The following FBXW7 variants were observed in gnomAD, a reference collection of about 807,000 sequenced individuals.
FBXW7 encodes the protein F-box and WD repeat domain containing 7.
Under a neutral mutation model 86.3 loss-of-function variants are expected in FBXW7, and 11 were observed. The observed-to-expected ratio is 0.13, with a 90% CI of 0.08 to 0.21. The LOEUF (loss-of-function observed/expected upper bound fraction) is 0.21, where lower values mean the gene tolerates loss of function less well. FBXW7 is among the 10% of genes least tolerant of loss of function. The pLI, the probability that FBXW7 is intolerant of heterozygous loss-of-function variation, is 1.00. For synonymous variants in FBXW7, 313 were observed against 297.9 expected (o/e 1.05, Z -0.52); for missense variants, 488 against 847.4 (o/e 0.58, Z 5.27).
chr4:152,439,642 G>C (rs922632089), intron 2 of FBXW7, among the ~76,000 whole-genome samples: 8 of 151,964 alleles, frequency 5.3e-5, no homozygotes, highest in African/African-American at 1.9e-4. Context: ...GAGGCGGGCC[G>C]ATCACGAGGT....
chr4:152,487,638 T>G (rs1745467943), intron 2 of FBXW7, among the ~76,000 whole-genome samples: 1 of 152,056 alleles, frequency 6.6e-6, no homozygotes, highest in Non-Finnish European at 1.5e-5. Flanking sequence ...TTAGTAATCT[T>G]CAATTATATT....
intron 4 of FBXW7, among the ~76,000 whole-genome samples, chr4:152,363,751 T>C (rs534441105): frequency 2.1e-4 from 32 of 152,288 alleles, no homozygotes; most frequent in African/African-American, 6.5e-4. Flanking sequence ...ATTAATTCAA[T>C]GAAACGGTTT....
chr4:152,491,090 G>A (rs1487291060), intron 2 of FBXW7, among the ~76,000 whole-genome samples: 1 of 152,116 alleles, frequency 6.6e-6, no homozygotes, highest in African/African-American at 2.4e-5. Flanking sequence ...AGAACCAACT[G>A]ACAGGACTTT....
intron 2 of FBXW7, among the ~76,000 whole-genome samples, chr4:152,484,930 C>T (rs1745211608): frequency 1.4e-5 from 2 of 140,990 alleles, no homozygotes; most frequent in Admixed American, 7.4e-5. Flanking sequence ...CCACTGCACT[C>T]TAGTGTGGGT....
Position 152,535,840 on chromosome 4 carries a change from C to A in FBXW7, c.-926G>T, listed in dbSNP as rs991153763. The A allele has an allele frequency of 2.3e-5, 9 of 389,886 alleles. No individual in the cohort carries two copies. Among genetic ancestry groups the A allele is most frequent in the Non-Finnish European group, 3.6e-5 (8 of 221,124 alleles). 24.2% of individuals were successfully genotyped at this position (389,886 alleles called of 1,614,324 possible). On this transcript the variant is annotated 5_prime_UTR_variant, in exon 1 of 14. Coordinates refer to ENST00000281708, the MANE Select transcript of FBXW7 (RefSeq NM_001349798.2). ...TCAGGCTCGGGCTCCGGCTCTGGCT[C>A]CGGCTCCGGCGTGTGCAGCCGCCGC...
chr4:152,410,778 C>G (rs561460869), intron 4 of FBXW7, among the ~76,000 whole-genome samples: 26 of 152,186 alleles, frequency 1.7e-4, no homozygotes, highest in Middle Eastern at 3.4e-3. Flanking sequence ...TAAAATGTTC[C>G]TTTCCAAAAC....
chr4:152,356,420 T>C (rs973736926), intron 4 of FBXW7, among the ~76,000 whole-genome samples: 11 of 152,126 alleles, frequency 7.2e-5, no homozygotes, highest in African/African-American at 2.7e-4. Flanking sequence ...TTCTTTTCTT[T>C]ACCTTGCTAA....
chr4:152,326,259 A>C (rs771865997), intron 11 of FBXW7, 28 bp from the exon 12 acceptor site: 1 of 1,574,922 alleles, frequency 6.3e-7, no homozygotes, highest in South Asian at 1.2e-5. Context: ...GAAAAACAAA[A>C]CAAAACAAAA....
intron 2 of FBXW7, among the ~76,000 whole-genome samples, chr4:152,483,048 C>T (rs905145670): frequency 1.3e-5 from 2 of 151,970 alleles, no homozygotes; most frequent in Non-Finnish European, 2.9e-5. Context: ...TACAGATGTA[C>T]CATTTCCCTA....
chr4:152,352,853 G>A (rs1285653864), intron 4 of FBXW7: 1 of 1,497,670 alleles, frequency 6.7e-7, no homozygotes, highest in East Asian at 2.3e-5. Flanking sequence ...CAGCAGCAGA[G>A]GGATCAGATT....
intron 8 of FBXW7, among the ~76,000 whole-genome samples, chr4:152,331,901 T>C (rs1729596745): frequency 6.6e-6 from 1 of 152,036 alleles, no homozygotes; most frequent in Non-Finnish European, 1.5e-5. Context: ...CCAAGCACCC[T>C]GGATCTTTAC....
intron 4 of FBXW7, among the ~76,000 whole-genome samples, chr4:152,378,702 T>C (rs1187448422): frequency 6.6e-6 from 1 of 152,178 alleles, no homozygotes; most frequent in East Asian, 1.9e-4. Flanking sequence ...GTCCATTTTC[T>C]TTCAACATAC....
At chr4:152,407,601 C>T (rs1234622918) in intron 4 of FBXW7, among the ~76,000 whole-genome samples, 3 of 152,184 alleles carry the variant, frequency 2.0e-5, no homozygotes, top group Non-Finnish European at 4.4e-5. Context: ...TGGAGAATGG[C>T]GGACCAGATA....
chr4:152,527,901 C>CACACACACACACACACAT (rs71596295), intron 2 of FBXW7, among the ~76,000 whole-genome samples: 21 of 149,294 alleles, frequency 1.4e-4, no homozygotes, highest in African/African-American at 4.9e-4. Flanking sequence ...CACACACACA[C>CACACACACACACACACAT]ATATATATAC....
chr4:152,356,139 T>C (rs527886363), intron 4 of FBXW7, among the ~76,000 whole-genome samples: 1 of 152,300 alleles, frequency 6.6e-6, no homozygotes, highest in Admixed American at 6.5e-5. Flanking sequence ...GTTCTATTAC[T>C]GCAGTTATCA....
At position 152,322,776 on chromosome 4, in the gene FBXW7, A is replaced by C; in HGVS notation, c.*105T>G. On this transcript the variant is annotated 3_prime_UTR_variant, in exon 14 of 14. Coordinates refer to ENST00000281708, the MANE Select transcript of FBXW7 (RefSeq NM_001349798.2). ...CCCAAGCCAACATCCTGCACCACTG[A>C]GAACAAGGGATTTTTTTCTTTTTCT... is the stretch of plus-strand genomic sequence containing the variant. 1 of 1,524,428 alleles carries C rather than the reference A, an allele frequency of 6.6e-7. No homozygotes were observed. The highest frequency in any genetic ancestry group is 2.1e-5 in the Admixed American group (1 of 46,736). The allele number at this position is 1,524,428 out of a possible 1,614,324, so 94.4% of individuals were successfully genotyped here. A position where few individuals can be genotyped will look rare whatever the true frequency, so the allele number is the denominator to read the frequency against.
chr4:152,473,139 G>C (rs1744109843), intron 2 of FBXW7, among the ~76,000 whole-genome samples: 1 of 152,158 alleles, frequency 6.6e-6, no homozygotes, highest in African/African-American at 2.4e-5. Context: ...AGCTACTCAG[G>C]AGGCTGAGGT....
intron 4 of FBXW7, among the ~76,000 whole-genome samples, chr4:152,386,711 C>T (rs1165465390): frequency 6.6e-6 from 1 of 152,078 alleles, no homozygotes; most frequent in African/African-American, 2.4e-5. Context: ...TACCACTGAT[C>T]ATCCAAGATG....
intron 7 of FBXW7, chr4:152,337,550 T>C (rs1578912344): frequency 6.6e-6 from 2 of 303,278 alleles, no homozygotes; most frequent in Admixed American, 9.7e-5. Flanking sequence ...TGAAACTCAA[T>C]AGTTACTCTC....
Sources: allele counts gnomAD v4.1 joint callset (sites outside exome capture counted in the v4.1 genomes callset), GRCh38; gene constraint gnomAD v4.1.1; transcripts MANE v1.5; gene names NCBI Gene and HGNC (gene_info 2026-07-23, HGNC 2026-07-21).